Variants in RIMS1 observed in about 807,000 individuals in gnomAD.
RIMS1 encodes regulating synaptic membrane exocytosis protein 1.
A neutral mutation model predicts 214.1 loss-of-function variants in RIMS1; 83 were observed. The observed-to-expected ratio is 0.39, with a 90% confidence interval of 0.32 to 0.47. The LOEUF is 0.47. Ranked by LOEUF, RIMS1 falls within the 20% of genes least tolerant of loss-of-function variation. The pLI is 0.99. For synonymous variants in RIMS1, 793 were observed against 786.8 expected, an observed-to-expected ratio of 1.01 and a Z score of -0.13; for missense variants, 2,050 against 2,161.8, an observed-to-expected ratio of 0.95 and a Z score of 1.03.
chr6:71,933,149 TA>T (rs2150927451), intron 1 of RIMS1, among the ~76,000 whole-genome samples: 1 of 152,158 alleles, frequency 6.6e-6, no homozygotes, highest in Admixed American at 6.5e-5. Flanking sequence ...AGAAAGAGGA[TA>T]GAACAGGAAG....
Position 72,260,808 on chromosome 6 carries a change from C to T in RIMS1, c.3116+41C>T, listed in dbSNP as rs1487028428. On this transcript the variant is annotated intron_variant, in intron 19 of 33. Transcript: ENST00000521978. ...TGGTAATGGTGACTGTGTGTGATGA[C>T]TCTCTTTCCATTCTATTATTCTTCC... 4 of 1,605,584 alleles carry T rather than the reference C, an allele frequency of 2.5e-6. No homozygotes were observed. In the East Asian group the frequency reaches 6.7e-5, roughly 27 times the overall value.
rs1834726025 is a variant in RIMS1, at chr6:72,086,597, A to G, written c.246-10352A>G. ...CTTATGCTACTTTCTTTGTACTCCC[A>G]GAGCCTTAAGGAGTGTGGGTTGTGC... On this transcript the variant is annotated intron_variant, in intron 2 of 33. Transcript: ENST00000521978. Among the ~76,000 whole-genome samples, 3 of 152,176 alleles carry G rather than the reference A, an allele frequency of 2.0e-5. No homozygotes were observed. The South Asian group carries it at 6.2e-4, about 31-fold the overall frequency.
intron 2 of RIMS1, among the ~76,000 whole-genome samples, chr6:72,071,798 C>T (rs759934103): frequency 6.6e-6 from 1 of 152,256 alleles, no homozygotes; most frequent in Non-Finnish European, 1.5e-5. Context: ...ATATCTGAAG[C>T]ATTTTCATGG....
chr6:72,113,568 T>C (rs1011520283), intron 4 of RIMS1, among the ~76,000 whole-genome samples: 1 of 152,144 alleles, frequency 6.6e-6, no homozygotes, highest in African/African-American at 2.4e-5. Context: ...TTTTACACGA[T>C]TAATTTTTAA....
intron 2 of RIMS1, among the ~76,000 whole-genome samples, chr6:71,979,770 A>G (rs1798049367): frequency 3.3e-5 from 5 of 152,012 alleles, no homozygotes. Flanking sequence ...AATGCTCCTT[A>G]CTATGCATGA....
intron 2 of RIMS1, among the ~76,000 whole-genome samples, chr6:71,969,619 G>A (rs540379926): frequency 1.2e-4 from 19 of 152,220 alleles, no homozygotes; most frequent in Non-Finnish European, 2.1e-4. Context: ...GACCAGCCTG[G>A]CCAATATGGT....
chr6:72,177,757 G>A (rs1027166218), intron 4 of RIMS1, among the ~76,000 whole-genome samples: 1 of 152,004 alleles, frequency 6.6e-6, no homozygotes, highest in Non-Finnish European at 1.5e-5. Flanking sequence ...CACCACACAC[G>A]TCCTGTCCCC....
intron 22 of RIMS1, among the ~76,000 whole-genome samples, chr6:72,271,073 C>A (rs2082818234): frequency 6.6e-6 from 1 of 151,880 alleles, no homozygotes; most frequent in Admixed American, 6.6e-5. Context: ...TGAGACCAGC[C>A]TGACCAACAT....
At chr6:72,187,884 A>G (rs1290221157) in intron 6 of RIMS1, among the ~76,000 whole-genome samples, 2 of 152,146 alleles carry the variant, frequency 1.3e-5, no homozygotes, top group African/African-American at 4.8e-5. Context: ...GGAGTTTATT[A>G]AGGAGTATTG....
intron 6 of RIMS1, among the ~76,000 whole-genome samples, chr6:72,209,150 A>G (rs2053408577): frequency 6.6e-6 from 1 of 152,210 alleles, no homozygotes; most frequent in South Asian, 2.1e-4. Context: ...AATAATTTAC[A>G]TACCTGTAAC....
At chr6:72,092,819 A>G (rs190832369) in intron 2 of RIMS1, among the ~76,000 whole-genome samples, 172 of 152,214 alleles carry the variant, frequency 1.1e-3, no homozygotes, top group African/African-American at 4.1e-3. Flanking sequence ...AAGATCCCCC[A>G]TGGAGAAAGT....
chr6:72,088,225 ATTTATTTATTTAT>A (rs1311680955), intron 2 of RIMS1, among the ~76,000 whole-genome samples: 1 of 82,082 alleles, frequency 1.2e-5, no homozygotes, highest in Non-Finnish European at 2.9e-5. Flanking sequence ...TACTTTATTT[ATTTATTTATTTAT>A]TTATTTATTT....
intron 29 of RIMS1, among the ~76,000 whole-genome samples, chr6:72,354,752 C>T (rs184448183): frequency 1.1e-3 from 175 of 152,226 alleles, no homozygotes; most frequent in Non-Finnish European, 9.0e-4. Context: ...AGAACATCTA[C>T]CCACATCTAA....
At chr6:71,925,914 A>G (rs942325115) in intron 1 of RIMS1, among the ~76,000 whole-genome samples, 1 of 152,244 alleles carries the variant, frequency 6.6e-6, no homozygotes, top group Non-Finnish European at 1.5e-5. Context: ...TTACTGAAAT[A>G]TACATGAAGA....
chr6:72,200,746 C>T (rs773721430), intron 6 of RIMS1, among the ~76,000 whole-genome samples: 2 of 152,032 alleles, frequency 1.3e-5, no homozygotes, highest in East Asian at 3.9e-4. Flanking sequence ...AGTTTAATGC[C>T]TTAGAGAAAG....
chr6:71,958,874 C>T (rs1278109152), intron 1 of RIMS1, among the ~76,000 whole-genome samples: 2 of 152,000 alleles, frequency 1.3e-5, no homozygotes, highest in Non-Finnish European at 1.5e-5. Context: ...TCCATTTTTC[C>T]CTAAATGTTT....
intron 33 of RIMS1, 35 bp downstream of exon 33, chr6:72,399,129 A>C: frequency 6.5e-7 from 1 of 1,546,768 alleles, no homozygotes; most frequent in Non-Finnish European, 8.7e-7. Flanking sequence ...TTACATTGAA[A>C]TGTCTGTTTT....
intron 1 of RIMS1, among the ~76,000 whole-genome samples, chr6:71,930,709 A>G (rs1043458052): frequency 7.9e-5 from 12 of 152,050 alleles, no homozygotes; most frequent in African/African-American, 2.9e-4. Context: ...TCCTTTTCAT[A>G]ACGAAAATCA....
At chr6:71,947,190 G>T (rs1788101774) in intron 1 of RIMS1, among the ~76,000 whole-genome samples, 1 of 151,950 alleles carries the variant, frequency 6.6e-6, no homozygotes, top group Admixed American at 6.6e-5. Flanking sequence ...CTCCAGCAAT[G>T]CCACTATTGG....
Sources: allele counts gnomAD v4.1 joint callset (sites outside exome capture counted in the v4.1 genomes callset), GRCh38; gene constraint gnomAD v4.1.1; transcripts MANE v1.5; gene names NCBI Gene and HGNC (gene_info 2026-07-23, HGNC 2026-07-21).